Variants in PLCB1 observed in about 807,000 individuals in gnomAD.
PLCB1 encodes the protein 1-phosphatidylinositol 4,5-bisphosphate phosphodiesterase beta-1.
A neutral mutation model predicts 161.8 loss-of-function variants in PLCB1; 46 were observed. That is an observed-to-expected ratio of 0.28 (90% confidence interval 0.22 to 0.36). The LOEUF (loss-of-function observed/expected upper bound fraction) is 0.36. Ranked by LOEUF, PLCB1 falls within the 10% of genes least tolerant of loss-of-function variation. The probability of loss-of-function intolerance (pLI) is 1.00; values close to 1 mark genes in which losing one functional copy is unlikely to be tolerated. For missense variants in PLCB1, 1,016 were observed against 1,472.5 expected (o/e 0.69, Z 5.07); for synonymous variants, 517 against 503.7 (o/e 1.03, Z -0.35).
At chr20:8,783,537 T>C (rs1983338289) in intron 27 of PLCB1, among the ~76,000 whole-genome samples, 1 of 152,232 alleles carries the variant, frequency 6.6e-6, no homozygotes, top group African/African-American at 2.4e-5. Context: ...AGTTGTTTTA[T>C]TTCTGTTTTT....
chr20:8,387,598 A>G (rs1438743724), intron 3 of PLCB1, among the ~76,000 whole-genome samples: 2 of 152,244 alleles, frequency 1.3e-5, no homozygotes, highest in Non-Finnish European at 2.9e-5. Context: ...AAGCATACAC[A>G]TGCTTTGTAA....
intron 25 of PLCB1, among the ~76,000 whole-genome samples, chr20:8,761,240 C>T (rs1336779476): frequency 6.6e-6 from 1 of 152,178 alleles, no homozygotes; most frequent in East Asian, 1.9e-4. Context: ...TATACACCAA[C>T]TTCAAAGACA....
intron 3 of PLCB1, among the ~76,000 whole-genome samples, chr20:8,471,756 G>T (rs1166186468): frequency 6.6e-6 from 1 of 152,092 alleles, no homozygotes; most frequent in East Asian, 1.9e-4. Flanking sequence ...GCTCCTCAGG[G>T]TTCAAGCTTT....
chr20:8,408,661 G>T (rs1344280449), intron 3 of PLCB1, among the ~76,000 whole-genome samples: 3 of 152,092 alleles, frequency 2.0e-5, no homozygotes, highest in Non-Finnish European at 4.4e-5. Context: ...TCTTAACTCT[G>T]GATAGCTTTA....
At chr20:8,442,327 C>T (rs1359014791) in intron 3 of PLCB1, among the ~76,000 whole-genome samples, 1 of 152,142 alleles carries the variant, frequency 6.6e-6, no homozygotes, top group Non-Finnish European at 1.5e-5. Flanking sequence ...GAGGGTGGCT[C>T]TCTGCTTCCA....
chr20:8,466,121 A>G (rs1160124104), intron 3 of PLCB1, among the ~76,000 whole-genome samples: 4 of 150,822 alleles, frequency 2.7e-5, no homozygotes, highest in Non-Finnish European at 1.5e-5. Flanking sequence ...TGGCACATAT[A>G]CACCATGGAA....
At chr20:8,540,778 A>G (rs1985281172) in intron 3 of PLCB1, among the ~76,000 whole-genome samples, 1 of 152,176 alleles carries the variant, frequency 6.6e-6, no homozygotes, top group African/African-American at 2.4e-5. Flanking sequence ...CAGACAGCAA[A>G]TAAAGGCAAC....
At chr20:8,741,810 A>G (rs1980896315) in intron 23 of PLCB1, among the ~76,000 whole-genome samples, 2 of 152,258 alleles carry the variant, frequency 1.3e-5, no homozygotes, top group South Asian at 2.1e-4. Context: ...TGATAAAATT[A>G]AACTGCACAC....
chr20:8,715,396 C>T (rs1979250291), intron 12 of PLCB1, among the ~76,000 whole-genome samples: 1 of 152,210 alleles, frequency 6.6e-6, no homozygotes, highest in Non-Finnish European at 1.5e-5. Context: ...TACATTTGCC[C>T]TGCTCTTTTA....
intron 10 of PLCB1, among the ~76,000 whole-genome samples, chr20:8,689,273 A>G (rs1342455637): frequency 1.3e-5 from 2 of 152,152 alleles, no homozygotes; most frequent in Non-Finnish European, 2.9e-5. Context: ...AAGGTAAACA[A>G]TCATATCGTC....
chr20:8,430,271 G>A (rs1979978661), intron 3 of PLCB1, among the ~76,000 whole-genome samples: 1 of 152,054 alleles, frequency 6.6e-6, no homozygotes, highest in Admixed American at 6.5e-5. Flanking sequence ...GAGGACAGAA[G>A]TGATCACGAA....
At chr20:8,567,780 G>A (rs1394336877) in intron 3 of PLCB1, among the ~76,000 whole-genome samples, 1 of 151,940 alleles carries the variant, frequency 6.6e-6, no homozygotes, top group Admixed American at 6.6e-5. Flanking sequence ...ATTAGTAGGT[G>A]GTATGTTCCT....
intron 9 of PLCB1, among the ~76,000 whole-genome samples, chr20:8,675,589 C>CAG (rs1990054399): frequency 6.6e-6 from 1 of 152,152 alleles, no homozygotes; most frequent in African/African-American, 2.4e-5. Context: ...GACTTTTAAA[C>CAG]TTAATCAACA....
intron 26 of PLCB1, among the ~76,000 whole-genome samples, chr20:8,765,822 G>A (rs1049360403): frequency 6.6e-6 from 1 of 152,194 alleles, no homozygotes; most frequent in East Asian, 1.9e-4. Context: ...CAAGAAGCTG[G>A]GATTACGCCA....
chr20:8,288,854 A>C (rs948103844), intron 2 of PLCB1, among the ~76,000 whole-genome samples: 5 of 152,128 alleles, frequency 3.3e-5, no homozygotes, highest in African/African-American at 1.2e-4. Flanking sequence ...ATTTATCACT[A>C]TCTGGAAATA....
chr20:8,563,038 A>G (rs1986193135), intron 3 of PLCB1, among the ~76,000 whole-genome samples: 1 of 152,062 alleles, frequency 6.6e-6, no homozygotes, highest in African/African-American at 2.4e-5. Context: ...GTGTAAACCT[A>G]TGAGACTTAT....
At chr20:8,374,284 C>T (rs1230349102) in intron 3 of PLCB1, among the ~76,000 whole-genome samples, 1 of 152,160 alleles carries the variant, frequency 6.6e-6, no homozygotes, top group African/African-American at 2.4e-5. Flanking sequence ...TCTCCTGCTT[C>T]CTTGTGAAGA....
intron 2 of PLCB1, among the ~76,000 whole-genome samples, chr20:8,336,906 C>T (rs898705175): frequency 6.6e-6 from 1 of 151,860 alleles, no homozygotes; most frequent in Non-Finnish European, 1.5e-5. Flanking sequence ...TGATTATAAT[C>T]TTTCCTTTTT....
intron 2 of PLCB1, among the ~76,000 whole-genome samples, chr20:8,358,774 T>A (rs1986446276): frequency 6.6e-6 from 1 of 152,246 alleles, no homozygotes; most frequent in Admixed American, 6.5e-5. Flanking sequence ...TTGGATTCTC[T>A]GCCACTTGCA....
Sources: allele counts gnomAD v4.1 joint callset (sites outside exome capture counted in the v4.1 genomes callset), GRCh38; gene constraint gnomAD v4.1.1; transcripts MANE v1.5; gene names NCBI Gene and HGNC (gene_info 2026-07-23, HGNC 2026-07-21).